The following NCAM1 variants were observed in gnomAD, a reference collection of about 807,000 sequenced individuals.
NCAM1 encodes the protein neural cell adhesion molecule 1, also known as antigen recognized by monoclonal antibody 5.1H11.
In NCAM1, 14 loss-of-function variants were observed where a neutral mutation model predicts 109.8. The observed-to-expected ratio is 0.13, with a 90% CI of 0.08 to 0.20. NCAM1 has a LOEUF of 0.20. Among genes scored for constraint, NCAM1 ranks in the 10% least tolerant of loss-of-function variants. The pLI is 1.00. For synonymous variants in NCAM1, 418 were observed against 442.9 expected (o/e 0.94, Z 0.70); for missense variants, 774 against 1,109.9 (o/e 0.70, Z 4.30).
intron 1 of NCAM1, among the ~76,000 whole-genome samples, chr11:112,998,562 C>T (rs1291452694): frequency 1.3e-5 from 2 of 152,112 alleles, no homozygotes; most frequent in African/African-American, 4.8e-5. Context: ...TTGCCCCACC[C>T]TCACCTAGCC....
chr11:113,162,634 G>T (rs1318535671), intron 1 of NCAM1, among the ~76,000 whole-genome samples: 7 of 152,202 alleles, frequency 4.6e-5, no homozygotes, highest in Admixed American at 2.0e-4. Flanking sequence ...ATGAATTGCT[G>T]TGGAGGGATA....
chr11:113,207,425 G>A (rs1555113059), intron 6 of NCAM1, 47 bp downstream of exon 6: 1 of 1,488,758 alleles, frequency 6.7e-7, no homozygotes, highest in Non-Finnish European at 9.3e-7. Context: ...AGGAGAATGG[G>A]GCATCACAAA....
rs1555117729 is a variant in NCAM1, at chr11:113,233,522, T to C, written c.1693+205T>C. Reference sequence around the variant, plus strand: ...CTTCAGAGCCTGGTTCTCATGACCCTTCCAGTATGGATGAAGGCATCTGTA... The same window carrying C: ...CTTCAGAGCCTGGTTCTCATGACCCCTCCAGTATGGATGAAGGCATCTGTA... On this transcript the variant is annotated intron_variant, in intron 13 of 19. Coordinates refer to ENST00000316851, the MANE Select transcript of NCAM1 (RefSeq NM_181351.5). This position sits in a 1 kb window ranked among gnomAD's most constrained non-coding sequence, Gnocchi z 4.5. Among the ~76,000 whole-genome samples, 1 of 152,178 alleles carries C rather than the reference T, an allele frequency of 6.6e-6. No homozygotes were observed. Among genetic ancestry groups the C allele is most frequent in the Admixed American group, 6.5e-5 (1 of 15,292 alleles).
At chr11:113,019,356 A>G (rs1329065350) in intron 1 of NCAM1, among the ~76,000 whole-genome samples, 1 of 152,190 alleles carries the variant, frequency 6.6e-6, no homozygotes, top group Non-Finnish European at 1.5e-5. Context: ...TTTACCTTCA[A>G]TAGCCTTCCG....
chr11:113,243,832 A>G (rs1945419050), intron 14 of NCAM1: 1 of 230,890 alleles, frequency 4.3e-6, no homozygotes, highest in South Asian at 5.5e-5. Context: ...CAAGCTTTCC[A>G]ATACATAATT....
intron 1 of NCAM1, among the ~76,000 whole-genome samples, chr11:113,107,491 T>C (rs576612593): frequency 6.0e-4 from 92 of 152,260 alleles, no homozygotes; most frequent in African/African-American, 1.9e-3. Flanking sequence ...TGAGACTGGG[T>C]ACTTTATAAA....
At chr11:113,034,168 G>T (rs1423414252) in intron 1 of NCAM1, among the ~76,000 whole-genome samples, 3 of 152,158 alleles carry the variant, frequency 2.0e-5, no homozygotes, top group Non-Finnish European at 4.4e-5. Context: ...TGTCCTGGGG[G>T]TCAGTTTCTT....
chr11:113,132,979 G>C (rs1416287762), intron 1 of NCAM1: 1 of 152,264 alleles, frequency 6.6e-6, no homozygotes, highest in Non-Finnish European at 1.5e-5. Context: ...TATGTTGAGG[G>C]AGTGAAACTC....
chr11:113,207,740 T>G, intron 6 of NCAM1, 93 bp from the exon 7 acceptor site: 1 of 1,342,644 alleles, frequency 7.4e-7, no homozygotes, highest in Non-Finnish European at 1.0e-6. Flanking sequence ...TCTTTCCCAT[T>G]GACTCAGTCT....
chr11:113,133,820 C>G (rs1941498327), intron 1 of NCAM1: 2 of 152,128 alleles, frequency 1.3e-5, no homozygotes, highest in Admixed American at 1.3e-4. Context: ...TGGCTCCAGA[C>G]TTTGAAGCAA....
At chr11:113,213,795 A>G (rs782538768) in intron 7 of NCAM1, among the ~76,000 whole-genome samples, 15 of 152,188 alleles carry the variant, frequency 9.9e-5, no homozygotes, top group East Asian at 3.9e-4. Flanking sequence ...CTCTAGTCCA[A>G]TGCTTCCTGA....
chr11:113,024,004 G>A (rs1387148653), intron 1 of NCAM1, among the ~76,000 whole-genome samples: 1 of 152,166 alleles, frequency 6.6e-6, no homozygotes, highest in African/African-American at 2.4e-5. Context: ...TGCTTTCAGG[G>A]ATTTAAAAAG....
chr11:113,192,607 T>C (rs868920539), intron 1 of NCAM1, among the ~76,000 whole-genome samples: 2 of 152,130 alleles, frequency 1.3e-5, no homozygotes, highest in Non-Finnish European at 2.9e-5. Flanking sequence ...AATGGCTCTA[T>C]TGGGATGCAG....
chr11:113,277,491 G>C lies in NCAM1; in HGVS notation c.*2104G>C. The C allele has an allele frequency of 2.5e-6, 1 of 398,940 alleles. No homozygotes were observed. The highest frequency in any genetic ancestry group is 4.4e-6 in the Non-Finnish European group (1 of 226,064). 24.7% of individuals were successfully genotyped at this position (398,940 alleles called of 1,614,324 possible). A position where few individuals can be genotyped will look rare whatever the true frequency, so the allele number is the denominator to read the frequency against. On this transcript the variant is annotated 3_prime_UTR_variant, in exon 20 of 20. Transcript: ENST00000316851. ...GAGATCTTAGAGCACACAGTAGAATGTGAGAGCCTGGGTGTCTGAGACCGG... is the reference window on the plus strand; with the variant it reads ...GAGATCTTAGAGCACACAGTAGAATCTGAGAGCCTGGGTGTCTGAGACCGG...
intron 1 of NCAM1, among the ~76,000 whole-genome samples, chr11:112,977,651 T>A (rs1951041082): frequency 1.3e-5 from 2 of 151,914 alleles, no homozygotes; most frequent in South Asian, 4.1e-4. Context: ...TTTAAAAATC[T>A]AAATTGTCAT....
chr11:113,268,176 T>G (rs1458292541), intron 17 of NCAM1, among the ~76,000 whole-genome samples: 1 of 152,204 alleles, frequency 6.6e-6, no homozygotes, highest in Non-Finnish European at 1.5e-5. Flanking sequence ...TCTCCTTTGC[T>G]TTTTGGGTGG....
intron 1 of NCAM1, among the ~76,000 whole-genome samples, chr11:113,048,589 G>T (rs1280222722): frequency 6.6e-6 from 1 of 152,148 alleles, no homozygotes; most frequent in Admixed American, 6.5e-5. Flanking sequence ...GATTCCCTTG[G>T]TTCTCCCTGC....
chr11:112,996,610 G>A (rs34567143), intron 1 of NCAM1, among the ~76,000 whole-genome samples: 1,675 of 152,228 alleles, frequency 0.011, 13 homozygotes, highest in Non-Finnish European at 0.018. Flanking sequence ...CAGGTCTAAT[G>A]TTGCATACCT....
chr11:112,973,430 G>A (rs1181756198), intron 1 of NCAM1, among the ~76,000 whole-genome samples: 1 of 152,098 alleles, frequency 6.6e-6, no homozygotes, highest in Non-Finnish European at 1.5e-5. Flanking sequence ...TTTGGTTTGG[G>A]TACATAATTA....
Sources: allele counts gnomAD v4.1 joint callset (sites outside exome capture counted in the v4.1 genomes callset), GRCh38; gene constraint gnomAD v4.1.1; non-coding constraint Gnocchi (gnomAD v3.1); transcripts MANE v1.5; gene names NCBI Gene and HGNC (gene_info 2026-07-23, HGNC 2026-07-21).